PLCB4: variants seen among roughly 807,000 people sequenced by gnomAD.
PLCB4 encodes the protein 1-phosphatidylinositol 4,5-bisphosphate phosphodiesterase beta-4.
PLCB4 carries 77 observed loss-of-function variants against 178.8 expected under a neutral mutation model. The ratio of observed to expected loss-of-function variants is 0.43; its 90% CI spans 0.36 to 0.52. PLCB4 has a LOEUF of 0.52. Ranked by LOEUF, PLCB4 falls within the 20% of genes least tolerant of loss-of-function variation. PLCB4 has a pLI of 0.00. For missense variants in PLCB4, 1,024 were observed against 1,453.4 expected (o/e 0.70, Z 4.80); for synonymous variants, 496 against 490.8 (o/e 1.01, Z -0.14).
chr20:9,435,554 C>A lies in PLCB4; in HGVS notation c.2525-6C>A. On this transcript the variant is annotated splice_polypyrimidine_tract_variant and splice_region_variant and intron_variant, in intron 28 of 39. Coordinates refer to ENST00000378473, the MANE Select transcript of PLCB4 (RefSeq NM_001377142.1). Reference sequence around the variant, plus strand: ...TAACGGCTCATTGGGTTTTTTTTTCCCCTAGATATCGTGGATGCTTTATCA... The same window carrying A: ...TAACGGCTCATTGGGTTTTTTTTTCACCTAGATATCGTGGATGCTTTATCA... The A allele has an allele frequency of 6.4e-7, 1 of 1,550,760 alleles. No homozygotes were observed. Among genetic ancestry groups the A allele is most frequent in the Non-Finnish European group, 8.9e-7 (1 of 1,128,798 alleles).
chr20:9,265,179 T>TCCC (rs2094336759), intron 3 of PLCB4, among the ~76,000 whole-genome samples: 1 of 152,070 alleles, frequency 6.6e-6, no homozygotes, highest in Non-Finnish European at 1.5e-5. Context: ...TGAGGTGTAC[T>TCCC]TGAAAAGATG....
At chr20:9,371,345 C>A in intron 10 of PLCB4, 50 bp downstream of exon 10, 1 of 974,678 alleles carries the variant, frequency 1.0e-6, no homozygotes, top group South Asian at 1.4e-5. Flanking sequence ...GTTTATTTAT[C>A]TTCTCATATG....
chr20:9,264,336 A>C (rs909261405), intron 3 of PLCB4, among the ~76,000 whole-genome samples: 1 of 152,198 alleles, frequency 6.6e-6, no homozygotes, highest in Non-Finnish European at 1.5e-5. Context: ...CAATCTGCTT[A>C]TTTGCAGGAA....
intron 7 of PLCB4, among the ~76,000 whole-genome samples, chr20:9,353,020 C>G (rs2034482130): frequency 6.6e-6 from 1 of 152,176 alleles, no homozygotes; most frequent in African/African-American, 2.4e-5. Flanking sequence ...CAGTTGCTCT[C>G]TTTTTCCCCC....
At chr20:9,362,553 G>A (rs774715394) in intron 7 of PLCB4, among the ~76,000 whole-genome samples, 2 of 152,100 alleles carry the variant, frequency 1.3e-5, no homozygotes, top group Non-Finnish European at 2.9e-5. Flanking sequence ...TATAATGCTG[G>A]TTGGAAATAA....
intron 2 of PLCB4, among the ~76,000 whole-genome samples, chr20:9,195,258 G>T (rs2147159141): frequency 6.6e-6 from 1 of 152,330 alleles, no homozygotes; most frequent in Non-Finnish European, 1.5e-5. Context: ...GTGTTAAAAT[G>T]TAGATTCTGC....
rs115318583 is a variant in PLCB4 at position 9,268,583 on chromosome 20, G to A, written c.-15-39217G>A. Among the ~76,000 whole-genome samples, 238 of 152,102 alleles carry A rather than the reference G, an allele frequency of 1.6e-3. 2 individuals are homozygous for A. The highest frequency in any genetic ancestry group is 5.5e-3 in the African/African-American group (228 of 41,518). On this transcript the variant is annotated intron_variant, in intron 3 of 39. Transcript: ENST00000378473. ...TTAGAGTCAGTTTCACAGGAACCTC[G>A]GGAACTAACAGCAGGAAAAGGAAGG...
intron 7 of PLCB4, among the ~76,000 whole-genome samples, chr20:9,361,278 T>C (rs1211342684): frequency 1.3e-5 from 2 of 152,188 alleles, no homozygotes; most frequent in African/African-American, 4.8e-5. Context: ...GGTGAATGGA[T>C]GAGTGTATTA....
chr20:9,405,954 C>T (rs554996688), intron 21 of PLCB4, among the ~76,000 whole-genome samples: 32 of 152,088 alleles, frequency 2.1e-4, no homozygotes, highest in Non-Finnish European at 3.8e-4. Context: ...GGGGTCCTAT[C>T]CTATTTGAAG....
chr20:9,410,417 A>G (rs1420976454), intron 24 of PLCB4, among the ~76,000 whole-genome samples: 3 of 152,192 alleles, frequency 2.0e-5, no homozygotes, highest in African/African-American at 4.8e-5. Flanking sequence ...GTTTTATTCT[A>G]TAATATTAGG....
intron 1 of PLCB4, among the ~76,000 whole-genome samples, chr20:9,069,653 C>A (rs2089466039): frequency 6.6e-6 from 1 of 152,134 alleles, no homozygotes; most frequent in African/African-American, 2.4e-5. Context: ...AGGGTTCGGG[C>A]CTCCTAAAAG....
At chr20:9,287,105 A>C (rs991926569) in intron 3 of PLCB4, among the ~76,000 whole-genome samples, 1 of 152,070 alleles carries the variant, frequency 6.6e-6, no homozygotes, top group Non-Finnish European at 1.5e-5. Flanking sequence ...TATTTTAAAA[A>C]AAATCATGAC....
chr20:9,137,745 G>GTT (rs10717027), intron 2 of PLCB4, among the ~76,000 whole-genome samples: 8 of 139,986 alleles, frequency 5.7e-5, no homozygotes, highest in Non-Finnish European at 4.6e-5. Context: ...TTTTTCTCAA[G>GTT]TTTTTTTTTT....
At chr20:9,191,581 G>T (rs2093404945) in intron 2 of PLCB4, among the ~76,000 whole-genome samples, 1 of 152,078 alleles carries the variant, frequency 6.6e-6, no homozygotes, top group Non-Finnish European at 1.5e-5. Flanking sequence ...TCAGTGGTTA[G>T]TTGGATTTTA....
At chr20:9,342,656 G>T (rs6056564) in intron 7 of PLCB4, among the ~76,000 whole-genome samples, 51,282 of 125,722 alleles carry the variant, frequency 0.41, 9,359 homozygotes, top group African/African-American at 0.58. Flanking sequence ...ATGTTTTGGG[G>T]TTTTTTTTTT....
intron 2 of PLCB4, among the ~76,000 whole-genome samples, chr20:9,104,960 TGGA>T: frequency 6.6e-6 from 1 of 152,222 alleles, no homozygotes; most frequent in Admixed American, 6.5e-5. Flanking sequence ...TTATGTTCCT[TGGA>T]GGAGATCCAT....
At chr20:9,454,666 T>C (rs2042956001) in intron 33 of PLCB4, among the ~76,000 whole-genome samples, 1 of 152,218 alleles carries the variant, frequency 6.6e-6, no homozygotes, top group South Asian at 2.1e-4. Flanking sequence ...TATAATTTTC[T>C]TGGACATTGG....
intron 3 of PLCB4, among the ~76,000 whole-genome samples, chr20:9,283,987 G>A (rs887324299): frequency 2.0e-5 from 3 of 151,928 alleles, no homozygotes; most frequent in Non-Finnish European, 2.9e-5. Context: ...ATTCTATACA[G>A]GTCTATATTG....
Position 9,167,767 on chromosome 20 carries a change from T to C in PLCB4, c.-78-49623T>C, listed in dbSNP as rs112107787. On this transcript the variant is annotated intron_variant, in intron 2 of 39. Coordinates refer to ENST00000378473, the MANE Select transcript of PLCB4 (RefSeq NM_001377142.1). ...ACCGAATAATTGGCTTTGAATAGCT[T>C]TAGAAACATATTTCATATTTGCGTA... is the stretch of plus-strand genomic sequence containing the variant. 3.1e-3 allele frequency among the ~76,000 whole-genome samples: 470 copies of C among 152,326 alleles called. 2 individuals are homozygous for C. The highest frequency in any genetic ancestry group is 8.6e-3 in the African/African-American group (357 of 41,560).
Sources: allele counts gnomAD v4.1 joint callset (sites outside exome capture counted in the v4.1 genomes callset), GRCh38; gene constraint gnomAD v4.1.1; transcripts MANE v1.5; gene names NCBI Gene and HGNC (gene_info 2026-07-23, HGNC 2026-07-21).